The following KLF8 variants were observed in gnomAD, a reference collection of about 807,000 sequenced individuals.
KLF8 encodes KLF transcription factor 8.
KLF8 carries 10 observed loss-of-function variants against 18.2 expected under a neutral mutation model. That is an observed-to-expected ratio of 0.55 (90% confidence interval 0.34 to 0.93). The LOEUF is 0.93. Among genes scored for constraint, KLF8 ranks in the 40% least tolerant of loss-of-function variants. The pLI, the probability that KLF8 is intolerant of heterozygous loss-of-function variation, is 0.02. For missense variants in KLF8, 264 were observed against 277.9 expected (o/e 0.95, Z 0.36); for synonymous variants, 109 against 97.3 (o/e 1.12, Z -0.71).
the KLF8 span, among the ~76,000 whole-genome samples, chrX:56,039,137 A>C: frequency 8.9e-6 from 1 of 111,913 alleles, no homozygotes; most frequent in African/African-American, 3.2e-5. Flanking sequence ...ACATTGCAAA[A>C]AGTTTCTACC....
the KLF8 span, among the ~76,000 whole-genome samples, chrX:56,035,218 G>T: frequency 1.8e-5 from 2 of 111,594 alleles, no homozygotes; most frequent in Non-Finnish European, 3.8e-5. Flanking sequence ...AGCATACATG[G>T]TTTAACCTTC....
At chrX:56,268,094 C>T (rs1028137614) in intron 3 of KLF8, 11 of 111,112 alleles carry the variant, frequency 9.9e-5, no homozygotes, top group Non-Finnish European at 1.7e-4. Context: ...AACATAATGT[C>T]CTCCAGGTTC....
the KLF8 span, among the ~76,000 whole-genome samples, chrX:56,034,790 C>A: frequency 1.3e-5 from 1 of 78,967 alleles, no homozygotes; most frequent in South Asian, 9.6e-4. Flanking sequence ...GAGTCTCGCT[C>A]TGTGGCCCAG....
At chrX:56,274,337 T>A (rs1045825964) in intron 5 of KLF8, among the ~76,000 whole-genome samples, 1 of 112,242 alleles carries the variant, frequency 8.9e-6, no homozygotes, top group African/African-American at 3.2e-5. Flanking sequence ...TCAGCTTTTT[T>A]GCCCATTTTT....
intron 2 of KLF8, among the ~76,000 whole-genome samples, chrX:56,252,297 G>C (rs1341047153): frequency 1.8e-5 from 2 of 111,521 alleles, no homozygotes; most frequent in African/African-American, 6.5e-5. Context: ...TTACAGGAGA[G>C]AGCCACTGCA....
chrX:56,100,012 A>G, the KLF8 span, among the ~76,000 whole-genome samples: 2 of 111,803 alleles, frequency 1.8e-5, no homozygotes, highest in Non-Finnish European at 3.8e-5. Context: ...TTTTACTAAG[A>G]TGCCATCTGG....
At chrX:56,116,868 C>T in the KLF8 span, among the ~76,000 whole-genome samples, 1 of 109,962 alleles carries the variant, frequency 9.1e-6, no homozygotes, top group Non-Finnish European at 1.9e-5. Flanking sequence ...TTTAAAATAC[C>T]TTAACAGTTC....
chrX:56,063,897 G>A, the KLF8 span, among the ~76,000 whole-genome samples: 6 of 110,140 alleles, frequency 5.4e-5, no homozygotes, highest in South Asian at 3.9e-4. Context: ...CAGCTTCACC[G>A]AGCTGCAGTA....
chrX:56,156,735 C>A, the KLF8 span, among the ~76,000 whole-genome samples: 1 of 103,744 alleles, frequency 9.6e-6, no homozygotes, highest in East Asian at 3.2e-4. Flanking sequence ...ACCCACCCCC[C>A]ACAACAGGCC....
At chrX:56,101,076 G>C in the KLF8 span, among the ~76,000 whole-genome samples, 1 of 111,168 alleles carries the variant, frequency 9.0e-6, no homozygotes, top group Non-Finnish European at 1.9e-5. Context: ...CCCATGTAGC[G>C]AGCATAGTAA....
chrX:56,268,949 A>G (rs2067008193), intron 3 of KLF8: 1 of 946,792 alleles, frequency 1.1e-6, no homozygotes, highest in Non-Finnish European at 1.3e-6. Context: ...TCACATCTGG[A>G]CTAATCCTAG....
the KLF8 span, among the ~76,000 whole-genome samples, chrX:56,161,359 G>T: frequency 8.9e-6 from 1 of 111,873 alleles, no homozygotes; most frequent in Non-Finnish European, 1.9e-5. Context: ...ATCCTGCAGA[G>T]TGTTTTCCAA....
At chrX:56,038,447 A>T in the KLF8 span, among the ~76,000 whole-genome samples, 23 of 111,752 alleles carry the variant, frequency 2.1e-4, no homozygotes, top group Non-Finnish European at 3.8e-4. Flanking sequence ...CATTCAGACC[A>T]CATTTATGAG....
chrX:56,000,872 T>C, the KLF8 span, among the ~76,000 whole-genome samples: 2 of 111,797 alleles, frequency 1.8e-5, no homozygotes, highest in South Asian at 7.5e-4. Flanking sequence ...TTTGCATGTA[T>C]GTATCAGTCA....
At chrX:55,962,398 A>G in the KLF8 span, 1 of 232,823 alleles carries the variant, frequency 4.3e-6, no homozygotes, top group South Asian at 5.8e-5. Context: ...TCTACATGGT[A>G]GAAGATGGCC....
At chrX:55,993,541 A>G in the KLF8 span, among the ~76,000 whole-genome samples, 1 of 112,012 alleles carries the variant, frequency 8.9e-6, no homozygotes, top group Non-Finnish European at 1.9e-5. Flanking sequence ...TATGTTTATC[A>G]GGGATATTGG....
chrX:55,986,067 G>A, the KLF8 span, among the ~76,000 whole-genome samples: 1 of 111,341 alleles, frequency 9.0e-6, no homozygotes, highest in African/African-American at 3.3e-5. Context: ...CTAGATATAG[G>A]ATCACTTCAT....
At chrX:56,198,220 G>A in the KLF8 span, among the ~76,000 whole-genome samples, 4 of 111,908 alleles carry the variant, frequency 3.6e-5, no homozygotes, top group Non-Finnish European at 7.5e-5. Context: ...TCAACATAGC[G>A]TTGGAAGTTC....
At chrX:55,977,741 G>A in the KLF8 span, among the ~76,000 whole-genome samples, 1 of 111,568 alleles carries the variant, frequency 9.0e-6, no homozygotes, top group African/African-American at 3.3e-5. Context: ...AAGAAAGGGG[G>A]AGATATTATT....
Sources: allele counts gnomAD v4.1 joint callset (sites outside exome capture counted in the v4.1 genomes callset), GRCh38; gene constraint gnomAD v4.1.1; transcripts MANE v1.5; gene names NCBI Gene and HGNC (gene_info 2026-07-23, HGNC 2026-07-21).